FAM163B: variants seen among roughly 807,000 people sequenced by gnomAD.
FAM163B encodes family with sequence similarity 163 member B.
In FAM163B, 4 loss-of-function variants were observed where a neutral mutation model predicts 7.6. That is an observed-to-expected ratio of 0.52 (90% CI 0.26 to 1.20). The LOEUF (loss-of-function observed/expected upper bound fraction) is 1.20. Ranked by LOEUF, FAM163B falls within the 50% of genes most tolerant of loss-of-function variation. The probability of loss-of-function intolerance (pLI) is 0.14; values close to 1 mark genes in which losing one functional copy is unlikely to be tolerated. For missense variants in FAM163B, 250 were observed against 243.0 expected (o/e 1.03, Z -0.19); for synonymous variants, 120 against 111.6 (o/e 1.07, Z -0.47).
chr9:133,587,616 C>T (rs1401263141), intron 1 of FAM163B, among the ~76,000 whole-genome samples: 8 of 152,080 alleles, frequency 5.3e-5, no homozygotes, highest in African/African-American at 9.7e-5. Context: ...CTGGGTCAGG[C>T]GGAGCTGAGA....
rs1204522555 is a variant in FAM163B at position 133,579,146 on chromosome 9, A to C, written c.377T>G (p.Val126Gly). The C allele has an allele frequency of 4.3e-6, 7 of 1,609,926 alleles. No homozygotes were observed. The highest frequency in any genetic ancestry group is 5.9e-6 in the Non-Finnish European group (7 of 1,179,764). ...GGGCAGCTCCACGTCCTCCTGGCTC[A>C]CGCTCTTGTAGAGCACGCGCTCCCC... is the stretch of plus-strand genomic sequence containing the variant. ...NGGERVLYKS[V>G]SQEDVELPPG... Residue 126 changes from valine (V) to glycine (G), a missense_variant, in exon 3 of 3, where the codon GTG (valine) becomes GGG (glycine). Physicochemically the swap from Val to Gly is moderately radical, Grantham distance 109 (BLOSUM62 -3). Transcript: ENST00000673969.
At chr9:133,608,508 G>C (rs756256596) in intron 1 of FAM163B, among the ~76,000 whole-genome samples, 7 of 152,196 alleles carry the variant, frequency 4.6e-5, no homozygotes, top group Non-Finnish European at 5.9e-5. Flanking sequence ...AGGTGGTGGT[G>C]ACAGAGGCCG....
At chr9:133,602,007 A>C (rs1831735682) in intron 1 of FAM163B, among the ~76,000 whole-genome samples, 1 of 152,154 alleles carries the variant, frequency 6.6e-6, no homozygotes, top group Non-Finnish European at 1.5e-5. Context: ...GTGGGGCTCC[A>C]CGGGCCGCAC....
At position 133,582,471 on chromosome 9, in the gene FAM163B, C is replaced by T. The variant is rs921123242; in HGVS notation, c.-23-2225G>A. Among the ~76,000 whole-genome samples, 138 of 152,334 alleles carry T rather than the reference C, an allele frequency of 9.1e-4. 1 individual carries two copies. The highest frequency in any genetic ancestry group is 3.2e-3 in the African/African-American group (134 of 41,566). On this transcript the variant is annotated intron_variant, in intron 1 of 2. Transcript: ENST00000673969. Reference sequence around the variant, plus strand: ...ATCTGGGTCAGGTCAGGGCTGGATCCGCTGCTACCATCCACCTTGGGGCCC... The same window carrying T: ...ATCTGGGTCAGGTCAGGGCTGGATCTGCTGCTACCATCCACCTTGGGGCCC...
intron 1 of FAM163B, among the ~76,000 whole-genome samples, chr9:133,594,519 C>T (rs1831602831): frequency 6.6e-6 from 1 of 152,200 alleles, no homozygotes; most frequent in South Asian, 2.1e-4. Flanking sequence ...CTGATTCCCA[C>T]CCCTGAAGAT....
chr9:133,584,178 C>T (rs926137275), intron 1 of FAM163B, among the ~76,000 whole-genome samples: 1 of 152,152 alleles, frequency 6.6e-6, no homozygotes, highest in African/African-American at 2.4e-5. Context: ...GGACCAGGTC[C>T]CACCCCTTCA....
At position 133,580,129 on chromosome 9, in the gene FAM163B, A is replaced by T; in HGVS notation, c.93+2T>A. ...GTCCCCTTCCCCGCCGCCCGGGAATACCTGGAGCCGGCAGTAGCACAGAAC... is the reference window on the plus strand; with the variant it reads ...GTCCCCTTCCCCGCCGCCCGGGAATTCCTGGAGCCGGCAGTAGCACAGAAC... On this transcript the variant is annotated splice_donor_variant, in intron 2 of 2. Transcript: ENST00000673969. LOFTEE classifies it high-confidence loss of function. The T allele has an allele frequency of 6.2e-7, 1 of 1,611,138 alleles. No homozygotes were observed. Among genetic ancestry groups the T allele is most frequent in the Non-Finnish European group, 8.5e-7 (1 of 1,179,824 alleles).
At position 133,601,131 on chromosome 9, in the gene FAM163B, C is replaced by G. The variant is rs2131260935; in HGVS notation, c.-24+7946G>C. Among the ~76,000 whole-genome samples the G allele has an allele frequency of 6.6e-6, 1 of 152,322 alleles. No individual in the cohort carries two copies. The highest frequency in any genetic ancestry group is 2.1e-4 in the South Asian group (1 of 4,828). On this transcript the variant is annotated intron_variant, in intron 1 of 2. Coordinates refer to ENST00000673969, the MANE Select transcript of FAM163B (RefSeq NM_001080515.3). The surrounding 1 kb of genome is among the most constrained non-coding windows in gnomAD (Gnocchi z 4.1). Reference sequence around the variant, plus strand: ...CCATCCCTCACTCTACTCACTCCTCCTGGAGCCCTGAACACCCACTGCCCC... The same window carrying G: ...CCATCCCTCACTCTACTCACTCCTCGTGGAGCCCTGAACACCCACTGCCCC...
intron 1 of FAM163B, chr9:133,586,140 C>T (rs1011254295): frequency 6.6e-6 from 1 of 152,212 alleles, no homozygotes; most frequent in Non-Finnish European, 1.5e-5. Flanking sequence ...CCTGTGCTGC[C>T]GCGGTTGGTC....
At chr9:133,587,387 A>G (rs1361549535) in intron 1 of FAM163B, among the ~76,000 whole-genome samples, 1 of 152,176 alleles carries the variant, frequency 6.6e-6, no homozygotes, top group Admixed American at 6.5e-5. Context: ...CACGAAGCTG[A>G]AAGGACTAGG....
chr9:133,585,135 T>C (rs1463634237), intron 1 of FAM163B, among the ~76,000 whole-genome samples: 1 of 152,178 alleles, frequency 6.6e-6, no homozygotes, highest in Admixed American at 6.5e-5. Context: ...CCATCTCGTC[T>C]CTGTAGCCGG....
intron 1 of FAM163B, among the ~76,000 whole-genome samples, chr9:133,588,558 C>T (rs1024747861): frequency 0.19 from 9 of 48 alleles, no homozygotes; most frequent in East Asian, 0.5. Flanking sequence ...AAGGATCTAG[C>T]ATGTTGAGGG....
intron 1 of FAM163B, among the ~76,000 whole-genome samples, chr9:133,607,818 G>A (rs188367438): frequency 6.6e-5 from 10 of 152,336 alleles, no homozygotes; most frequent in Admixed American, 4.6e-4. Context: ...GCCTTAGGGT[G>A]AGATTTTTTC....
At chr9:133,586,103 T>C (rs1332627640) in intron 1 of FAM163B, 9 of 152,176 alleles carry the variant, frequency 5.9e-5, no homozygotes, top group African/African-American at 2.2e-4. Context: ...CGTTCAGTAA[T>C]AAACAGACGA....
intron 1 of FAM163B, among the ~76,000 whole-genome samples, chr9:133,594,310 TGGCCTCA>T (rs1439612606): frequency 3.3e-5 from 5 of 152,226 alleles, no homozygotes; most frequent in Admixed American, 3.3e-4. Context: ...TTTACATTTC[TGGCCTCA>T]CCTGCACTGC....
chr9:133,595,012 C>A (rs1173720011), intron 1 of FAM163B, among the ~76,000 whole-genome samples: 4 of 152,192 alleles, frequency 2.6e-5, no homozygotes, highest in Non-Finnish European at 5.9e-5. Context: ...CTTCCTGGAG[C>A]CCTGTCCCTG....
chr9:133,592,949 G>A (rs1267808735), intron 1 of FAM163B, among the ~76,000 whole-genome samples: 1 of 152,206 alleles, frequency 6.6e-6, no homozygotes. Flanking sequence ...AGCTCTAGGG[G>A]TGGGCTCACG....
intron 1 of FAM163B, among the ~76,000 whole-genome samples, chr9:133,608,197 A>G (rs562768609): frequency 6.6e-6 from 1 of 152,204 alleles, no homozygotes; most frequent in African/African-American, 2.4e-5. Context: ...TCAGGCCTCA[A>G]GGATACTCCC....
chr9:133,604,512 G>A (rs1053525445), intron 1 of FAM163B, among the ~76,000 whole-genome samples: 2 of 152,016 alleles, frequency 1.3e-5, no homozygotes, highest in Non-Finnish European at 2.9e-5. Context: ...ACCAACAAAA[G>A]CTGAATAGCT....
Sources: gnomAD v4.1 joint callset for allele counts (sites outside exome capture counted in the v4.1 genomes callset) on GRCh38, gnomAD v4.1.1 for gene constraint, Gnocchi (gnomAD v3.1) non-coding constraint, MANE v1.5 for transcripts, NCBI Gene and HGNC (gene_info 2026-07-23, HGNC 2026-07-21) for gene names.